The following ZNF385B variants were observed in gnomAD, a reference collection of about 807,000 sequenced individuals.
The protein encoded by ZNF385B is zinc finger protein 385B.
Under a neutral mutation model 39.2 loss-of-function variants are expected in ZNF385B, and 23 were observed. The observed-to-expected ratio is 0.59, with a 90% CI of 0.42 to 0.83. ZNF385B has a LOEUF of 0.83. ZNF385B is among the 40% of genes least tolerant of loss of function. The pLI is 0.00. For synonymous variants in ZNF385B, 205 were observed against 222.6 expected (o/e 0.92, Z 0.70); for missense variants, 552 against 598.9 (o/e 0.92, Z 0.82).
chr2:179,712,892 T>C (rs1276587822), intron 3 of ZNF385B, among the ~76,000 whole-genome samples: 1 of 152,216 alleles, frequency 6.6e-6, no homozygotes, highest in Non-Finnish European at 1.5e-5. Context: ...TGAATCACGT[T>C]CAATAAAAGT....
intron 3 of ZNF385B, among the ~76,000 whole-genome samples, chr2:179,696,326 C>CTTTATTTTTTTTTTT (rs1698744523): frequency 2.5e-5 from 1 of 40,354 alleles, no homozygotes; most frequent in Non-Finnish European, 4.1e-5. Flanking sequence ...CAAACTGGGA[C>CTTTATTTTTTTTTTT]TTTTTTTTTT....
chr2:179,489,677 T>C (rs1347245567), intron 5 of ZNF385B, among the ~76,000 whole-genome samples: 2 of 152,144 alleles, frequency 1.3e-5, no homozygotes, highest in African/African-American at 4.8e-5. Flanking sequence ...GATCACACAC[T>C]CTCAGAGACA....
rs149322770 is a variant in ZNF385B at position 179,495,973 on chromosome 2, A to C, written c.553-12539T>G. On this transcript the variant is annotated intron_variant, in intron 5 of 9. Coordinates refer to ENST00000410066, the MANE Select transcript of ZNF385B (RefSeq NM_152520.6). ...CTATTAGTATCAACACTATCCAGGA[A>C]AACATGACTTCACCAAATGAACTAA... 5.5e-3 allele frequency among the ~76,000 whole-genome samples: 844 copies of C among 152,340 alleles called. 10 individuals are homozygous for C. The highest frequency in any genetic ancestry group is 0.019 in the African/African-American group (797 of 41,568).
rs558826285 is a variant in ZNF385B, at chr2:179,670,237, G to A, written c.298+99266C>T. 3.7e-3 allele frequency among the ~76,000 whole-genome samples: 556 copies of A among 150,016 alleles called. 2 individuals are homozygous for A. The highest frequency in any genetic ancestry group is 6.4e-3 in the African/African-American group (260 of 40,834). ...AACCCGGGAGGCGGAGCTTGCAGTG[G>A]GCCGAGATTGCGCCACTGCACTCTC... On this transcript the variant is annotated intron_variant, in intron 3 of 9. Transcript: ENST00000410066.
chr2:179,568,959 C>A (rs190512255), intron 3 of ZNF385B, among the ~76,000 whole-genome samples: 2 of 152,314 alleles, frequency 1.3e-5, no homozygotes, highest in Non-Finnish European at 2.9e-5. Context: ...TATTAGTCAT[C>A]TTTACTCATT....
chr2:179,784,483 GA>G (rs201114644), intron 1 of ZNF385B, among the ~76,000 whole-genome samples: 2 of 149,232 alleles, frequency 1.3e-5, no homozygotes, highest in African/African-American at 2.5e-5. Flanking sequence ...ACTAAAAAAA[GA>G]AAAAAAAACT....
intron 3 of ZNF385B, among the ~76,000 whole-genome samples, chr2:179,719,733 T>C (rs1700562740): frequency 6.6e-6 from 1 of 152,238 alleles, no homozygotes; most frequent in Non-Finnish European, 1.5e-5. Context: ...TGCAGCAGCC[T>C]AGCTATTGCT....
At chr2:179,720,243 T>C (rs1700596804) in intron 3 of ZNF385B, among the ~76,000 whole-genome samples, 1 of 151,968 alleles carries the variant, frequency 6.6e-6, no homozygotes, top group African/African-American at 2.4e-5. Flanking sequence ...TTGGGAGAAA[T>C]AGCCTGAAAT....
chr2:179,700,020 T>G (rs1211920589), intron 3 of ZNF385B, among the ~76,000 whole-genome samples: 1 of 151,582 alleles, frequency 6.6e-6, no homozygotes, highest in Non-Finnish European at 1.5e-5. Context: ...AGGAGAAAAT[T>G]TAAATAACAT....
chr2:179,765,595 C>T (rs894080039), intron 3 of ZNF385B, among the ~76,000 whole-genome samples: 1 of 152,168 alleles, frequency 6.6e-6, no homozygotes, highest in Non-Finnish European at 1.5e-5. Flanking sequence ...CTGCCACTGT[C>T]CCAGTCTAAC....
intron 3 of ZNF385B, among the ~76,000 whole-genome samples, chr2:179,573,294 A>G (rs1685441907): frequency 6.6e-6 from 1 of 152,172 alleles, no homozygotes; most frequent in South Asian, 2.1e-4. Context: ...ATTTCACATG[A>G]AAAATTCTGG....
chr2:179,519,487 G>A (rs1420335083), intron 4 of ZNF385B, among the ~76,000 whole-genome samples: 1 of 151,926 alleles, frequency 6.6e-6, no homozygotes. Context: ...TTCCCCTTTT[G>A]GCTTGCATGT....
At chr2:179,851,957 T>C (rs566310608) in intron 1 of ZNF385B, among the ~76,000 whole-genome samples, 3 of 152,200 alleles carry the variant, frequency 2.0e-5, no homozygotes, top group Admixed American at 1.3e-4. Flanking sequence ...CATTTTCCAA[T>C]ACAATATTAA....
Position 179,773,511 on chromosome 2 carries a change from C to T in ZNF385B, c.-154-2839G>A, listed in dbSNP as rs111699404. Among the ~76,000 whole-genome samples the T allele has an allele frequency of 8.8e-4, 134 of 152,276 alleles. 1 individual carries two copies. The highest frequency in any genetic ancestry group is 2.6e-4 in the Non-Finnish European group (18 of 68,012). On this transcript the variant is annotated intron_variant, in intron 1 of 9. Coordinates refer to ENST00000410066, the MANE Select transcript of ZNF385B (RefSeq NM_152520.6). ...GATGTCCTCGTGATGCTCCCTCGCT[C>T]GAGTCTCTTCTCACCTCTGCACTCC...
chr2:179,747,590 A>T (rs1702456536), intron 3 of ZNF385B, among the ~76,000 whole-genome samples: 1 of 152,172 alleles, frequency 6.6e-6, no homozygotes, highest in African/African-American at 2.4e-5. Flanking sequence ...AGTTCATGAG[A>T]GATTGTATGC....
intron 3 of ZNF385B, among the ~76,000 whole-genome samples, chr2:179,674,855 AC>A (rs1696533723): frequency 6.6e-6 from 1 of 152,052 alleles, no homozygotes; most frequent in African/African-American, 2.4e-5. Flanking sequence ...AAGCCTTATA[AC>A]CCCCAAATCC....
intron 3 of ZNF385B, among the ~76,000 whole-genome samples, chr2:179,731,754 T>C (rs1391525073): frequency 1.3e-5 from 2 of 152,162 alleles, no homozygotes; most frequent in Non-Finnish European, 2.9e-5. Flanking sequence ...GCCATGGCAC[T>C]CCCACGTGGG....
intron 5 of ZNF385B, among the ~76,000 whole-genome samples, chr2:179,489,253 A>G (rs2054944182): frequency 1.3e-5 from 2 of 152,202 alleles, no homozygotes; most frequent in South Asian, 2.1e-4. Context: ...TACACTTTTC[A>G]GTTTCACTAG....
At chr2:179,678,516 A>G (rs1322357736) in intron 3 of ZNF385B, among the ~76,000 whole-genome samples, 1 of 152,202 alleles carries the variant, frequency 6.6e-6, no homozygotes, top group East Asian at 1.9e-4. Context: ...GCCATACAGG[A>G]CACTGAGGTG....
Sources: gnomAD v4.1 joint callset for allele counts (sites outside exome capture counted in the v4.1 genomes callset) on GRCh38, gnomAD v4.1.1 for gene constraint, MANE v1.5 for transcripts, NCBI Gene and HGNC (gene_info 2026-07-23, HGNC 2026-07-21) for gene names.